Variants in NINJ2 observed in about 807,000 individuals in gnomAD.
NINJ2 encodes the protein ninjurin 2, also known as ninjurin-2.
Under a neutral mutation model 11.7 loss-of-function variants are expected in NINJ2, and 12 were observed. The observed-to-expected ratio is 1.02, with a 90% CI of 0.66 to 1.66. The LOEUF is 1.66. Ranked by LOEUF, NINJ2 falls within the 40% of genes most tolerant of loss-of-function variation. The pLI is 0.00. For missense variants in NINJ2, 187 were observed against 181.8 expected, an observed-to-expected ratio of 1.03 and a Z score of -0.16; for synonymous variants, 93 against 76.8, an observed-to-expected ratio of 1.21 and a Z score of -1.10.
At chr12:660,289 T>TAAAA (rs776762900) in intron 1 of NINJ2, among the ~76,000 whole-genome samples, 6 of 107,698 alleles carry the variant, frequency 5.6e-5, no homozygotes, top group African/African-American at 2.1e-4. Context: ...TCCTGTCTGT[T>TAAAA]AAAAAAAAAA....
At chr12:636,064 G>A (rs534523091) in intron 1 of NINJ2, among the ~76,000 whole-genome samples, 6 of 151,524 alleles carry the variant, frequency 4.0e-5, no homozygotes, top group South Asian at 4.2e-4. Context: ...GCAACAGAGC[G>A]AGACTCTGTA....
chr12:608,047 C>G (rs549738987), intron 1 of NINJ2, among the ~76,000 whole-genome samples: 9 of 152,266 alleles, frequency 5.9e-5, no homozygotes, highest in Non-Finnish European at 8.8e-5. Context: ...CATCTGGGCC[C>G]TCGGTGTGCT....
intron 1 of NINJ2, among the ~76,000 whole-genome samples, chr12:651,365 G>A (rs1937783114): frequency 6.6e-6 from 1 of 152,162 alleles, no homozygotes; most frequent in Non-Finnish European, 1.5e-5. Context: ...GCGCACTCTA[G>A]CTGTCCTGAC....
intron 1 of NINJ2, among the ~76,000 whole-genome samples, chr12:637,879 A>G (rs528530690): frequency 6.6e-6 from 1 of 152,284 alleles, no homozygotes; most frequent in Non-Finnish European, 1.5e-5. Flanking sequence ...CCTCGGCCCT[A>G]TGGGGCAACT....
At chr12:565,423 G>A (rs764199584) in intron 2 of NINJ2, 22 bp from the exon 3 acceptor site, 4 of 1,611,148 alleles carry the variant, frequency 2.5e-6, no homozygotes, top group Non-Finnish European at 1.7e-6. Flanking sequence ...TGGAGTGGGG[G>A]GAAAGGGTCA....
intron 1 of NINJ2, among the ~76,000 whole-genome samples, chr12:572,731 T>G (rs932921141): frequency 6.6e-6 from 1 of 152,058 alleles, no homozygotes; most frequent in Non-Finnish European, 1.5e-5. Context: ...TTCTGCGAAG[T>G]AGATGAGGGC....
chr12:587,039 T>C (rs924226541), intron 1 of NINJ2, among the ~76,000 whole-genome samples: 1 of 152,234 alleles, frequency 6.6e-6, no homozygotes, highest in Admixed American at 6.5e-5. Flanking sequence ...ATATCTGGGA[T>C]AAACAAGGCC....
rs1948409754 is a variant in NINJ2 at position 640,965 on chromosome 12, A to G, written c.33+22363T>C. The G allele has an allele frequency of 1.3e-5, 2 of 152,192 alleles. No homozygotes were observed. The highest frequency in any genetic ancestry group is 4.8e-5 in the African/African-American group (2 of 41,428). The allele number at this position is 152,192 out of a possible 1,614,324, so 9.4% of individuals were successfully genotyped here. On this transcript the variant is annotated intron_variant, in intron 1 of 3. Coordinates refer to ENST00000305108, the MANE Select transcript of NINJ2 (RefSeq NM_016533.6). The surrounding 1 kb of genome is among the most constrained non-coding windows in gnomAD (Gnocchi z 4.0). The stretch of plus-strand genomic sequence containing the variant: ...TGGAAGGAAGGCTGCAACTTAAGAG[A>G]CTGCGGTTAGAAGTGATCTTCATAA...
chr12:612,709 C>T (rs533698843), intron 1 of NINJ2, among the ~76,000 whole-genome samples: 17 of 152,296 alleles, frequency 1.1e-4, no homozygotes, highest in African/African-American at 1.2e-4. Flanking sequence ...TAAACTCCCT[C>T]TTTTGGTCTC....
chr12:617,614 C>T (rs866064955), intron 1 of NINJ2, among the ~76,000 whole-genome samples: 8 of 152,200 alleles, frequency 5.3e-5, no homozygotes, highest in African/African-American at 1.9e-4. Flanking sequence ...GGTCCCTGAG[C>T]TCCCCCAGGG....
intron 1 of NINJ2, among the ~76,000 whole-genome samples, chr12:624,036 A>C (rs944749374): frequency 2.0e-5 from 3 of 151,466 alleles, no homozygotes; most frequent in Non-Finnish European, 4.4e-5. Context: ...ACTCTGTCTC[A>C]AAAACAAAAA....
chr12:594,095 A>G (rs1001728020), intron 1 of NINJ2, among the ~76,000 whole-genome samples: 3 of 152,210 alleles, frequency 2.0e-5, no homozygotes, highest in African/African-American at 7.2e-5. Context: ...GGCTAACGCA[A>G]TAAGATGAGA....
At chr12:613,223 C>T (rs1948055058) in intron 1 of NINJ2, among the ~76,000 whole-genome samples, 1 of 152,216 alleles carries the variant, frequency 6.6e-6, no homozygotes, top group Non-Finnish European at 1.5e-5. Flanking sequence ...TCAAATCAAG[C>T]ATATCTGCGG....
chr12:658,026 T>C (rs1937896389), intron 1 of NINJ2, among the ~76,000 whole-genome samples: 1 of 119,442 alleles, frequency 8.4e-6, no homozygotes, highest in Admixed American at 1.2e-4. Context: ...TGAGGCAGAG[T>C]CTCACTCTGT....
chr12:643,657 G>A (rs753144853), intron 1 of NINJ2: 12 of 987,934 alleles, frequency 1.2e-5, no homozygotes, highest in African/African-American at 1.7e-5. Flanking sequence ...CCAACGTTTT[G>A]TTCTTAGCGG....
intron 1 of NINJ2, among the ~76,000 whole-genome samples, chr12:617,715 A>G (rs757528164): frequency 2.0e-5 from 3 of 152,156 alleles, no homozygotes; most frequent in Non-Finnish European, 2.9e-5. Flanking sequence ...CTCACTCCCC[A>G]GGACGTTCTG....
intron 1 of NINJ2, among the ~76,000 whole-genome samples, chr12:660,403 C>T (rs192338241): frequency 1.1e-4 from 16 of 148,718 alleles, no homozygotes; most frequent in African/African-American, 3.7e-4. Flanking sequence ...TGCAGTGGCA[C>T]GATCTCCGCT....
rs370874933 is a variant in NINJ2, at chr12:596,942, A to T, written c.34-30764T>A. On this transcript the variant is annotated intron_variant, in intron 1 of 3. Coordinates refer to ENST00000305108, the MANE Select transcript of NINJ2 (RefSeq NM_016533.6). ...TGTCTCAAAAAAAAAACAAAAAAAAATGGCAGAATTCACAGTCGAAAAGAT... is the reference window on the plus strand; with the variant it reads ...TGTCTCAAAAAAAAAACAAAAAAAATTGGCAGAATTCACAGTCGAAAAGAT... Among the ~76,000 whole-genome samples the T allele has an allele frequency of 7.9e-5, 12 of 152,168 alleles. No individual in the cohort carries two copies. The East Asian group carries it at 1.5e-3, about 20-fold the overall frequency.
intron 1 of NINJ2, among the ~76,000 whole-genome samples, chr12:627,986 C>A (rs941422651): frequency 3.3e-5 from 5 of 152,222 alleles, no homozygotes; most frequent in Admixed American, 1.3e-4. Context: ...CCTGTCCTGT[C>A]CCTGTCCCTG....
Sources: gnomAD v4.1 joint callset for allele counts (sites outside exome capture counted in the v4.1 genomes callset) on GRCh38, gnomAD v4.1.1 for gene constraint, Gnocchi (gnomAD v3.1) non-coding constraint, MANE v1.5 for transcripts, NCBI Gene and HGNC (gene_info 2026-07-23, HGNC 2026-07-21) for gene names.